NRG3: variants seen among roughly 807,000 people sequenced by gnomAD.
NRG3 encodes pro-neuregulin-3, membrane-bound isoform.
Under a neutral mutation model 66.9 loss-of-function variants are expected in NRG3, and 31 were observed. The observed-to-expected ratio is 0.46, with a 90% confidence interval of 0.35 to 0.63. NRG3 has a LOEUF of 0.63. Among genes scored for constraint, NRG3 ranks in the 20% least tolerant of loss-of-function variants. The pLI is 0.00. For missense variants in NRG3, 910 were observed against 878.9 expected, an observed-to-expected ratio of 1.04 and a Z score of -0.45; for synonymous variants, 393 against 359.4, an observed-to-expected ratio of 1.09 and a Z score of -1.06.
chr10:82,480,038 A>G (rs1842130801), intron 2 of NRG3, among the ~76,000 whole-genome samples: 1 of 152,220 alleles, frequency 6.6e-6, no homozygotes, highest in South Asian at 2.1e-4. Context: ...GTCCTGCCCT[A>G]AGAAAGAATG....
chr10:82,065,452 T>C (rs984608067), intron 1 of NRG3, among the ~76,000 whole-genome samples: 3 of 152,136 alleles, frequency 2.0e-5, no homozygotes, highest in African/African-American at 7.2e-5. Flanking sequence ...GTGAAAGATA[T>C]ATACATTGTG....
At chr10:82,957,167 T>A (rs1850128075) in intron 5 of NRG3, among the ~76,000 whole-genome samples, 1 of 151,932 alleles carries the variant, frequency 6.6e-6, no homozygotes, top group Non-Finnish European at 1.5e-5. Context: ...ATATGAACAT[T>A]TTGCGTGTGC....
At chr10:82,264,252 G>A (rs1564726870) in intron 1 of NRG3, among the ~76,000 whole-genome samples, 1 of 152,292 alleles carries the variant, frequency 6.6e-6, no homozygotes, top group Non-Finnish European at 1.5e-5. Context: ...ACATTGCTGG[G>A]GGGCCTCAGG....
At chr10:82,357,476 T>C (rs1286956988) in intron 1 of NRG3, among the ~76,000 whole-genome samples, 3 of 152,170 alleles carry the variant, frequency 2.0e-5, no homozygotes, top group African/African-American at 4.8e-5. Context: ...ATAAAGAAAA[T>C]ACATTTATTT....
Position 82,243,284 on chromosome 10 carries a change from G to C in NRG3, c.824-115455G>C, listed in dbSNP as rs564875236. 2.0e-5 allele frequency among the ~76,000 whole-genome samples: 3 copies of C among 152,264 alleles called. No homozygotes were observed. In the East Asian group the frequency reaches 5.8e-4, roughly 29 times the overall value. ...AAATATGCAAAAAATCAGTCTTCTA[G>C]TAAATGCAAACATATTGGAAACATG... On this transcript the variant is annotated intron_variant, in intron 1 of 8. Transcript: ENST00000372141.
intron 2 of NRG3, among the ~76,000 whole-genome samples, chr10:82,645,443 T>C (rs1043053826): frequency 3.3e-5 from 5 of 152,216 alleles, no homozygotes; most frequent in African/African-American, 1.2e-4. Flanking sequence ...CATATGGTCC[T>C]CTCAACAGTT....
chr10:82,954,054 G>A (rs1272970294), intron 5 of NRG3, among the ~76,000 whole-genome samples: 2 of 151,876 alleles, frequency 1.3e-5, no homozygotes, highest in East Asian at 3.9e-4. Flanking sequence ...TAACACCCAT[G>A]GTTTTCCACA....
At chr10:82,913,858 G>GTT (rs144255070) in intron 4 of NRG3, among the ~76,000 whole-genome samples, 59 of 152,176 alleles carry the variant, frequency 3.9e-4, no homozygotes, top group African/African-American at 1.3e-3. Context: ...TTGGAAGGTT[G>GTT]TCAGCTATTA....
intron 4 of NRG3, among the ~76,000 whole-genome samples, chr10:82,917,087 G>A (rs1247866846): frequency 6.6e-6 from 1 of 152,204 alleles, no homozygotes; most frequent in East Asian, 1.9e-4. Flanking sequence ...CTCAGGGAAT[G>A]TAATCATACT....
chr10:81,957,783 C>T (rs867831113), intron 1 of NRG3, among the ~76,000 whole-genome samples: 7 of 152,170 alleles, frequency 4.6e-5, no homozygotes, highest in Non-Finnish European at 8.8e-5. Context: ...TGCCTTCTCA[C>T]AATTGTCAAA....
At chr10:82,949,027 T>A (rs945324251) in intron 4 of NRG3, among the ~76,000 whole-genome samples, 3 of 152,154 alleles carry the variant, frequency 2.0e-5, no homozygotes, top group African/African-American at 4.8e-5. Flanking sequence ...TAGATATAGA[T>A]TTTTTATAGC....
chr10:82,629,500 A>G (rs535008040), intron 2 of NRG3, among the ~76,000 whole-genome samples: 1 of 152,334 alleles, frequency 6.6e-6, no homozygotes, highest in South Asian at 2.1e-4. Context: ...GTACATTCTT[A>G]AATGAAACAT....
At chr10:82,259,519 T>C (rs772023809) in intron 1 of NRG3, among the ~76,000 whole-genome samples, 9 of 152,174 alleles carry the variant, frequency 5.9e-5, no homozygotes, top group Non-Finnish European at 8.8e-5. Context: ...GTAGTAATCA[T>C]CTTGTTAAAC....
intron 1 of NRG3, among the ~76,000 whole-genome samples, chr10:82,339,642 A>G (rs1425037202): frequency 1.3e-5 from 2 of 152,288 alleles, no homozygotes; most frequent in Admixed American, 1.3e-4. Flanking sequence ...CTGTTTAAAA[A>G]TTTTTAAATT....
At chr10:82,373,373 A>G (rs977560966) in intron 2 of NRG3, among the ~76,000 whole-genome samples, 3 of 152,240 alleles carry the variant, frequency 2.0e-5, no homozygotes, top group African/African-American at 4.8e-5. Context: ...TTAGGGGCAG[A>G]TGGGATGCTT....
chr10:82,971,640 T>C (rs894608865), intron 6 of NRG3, among the ~76,000 whole-genome samples: 1 of 152,060 alleles, frequency 6.6e-6, no homozygotes, highest in Admixed American at 6.6e-5. Context: ...TTTCACCATG[T>C]TTGCCAGGCT....
Position 82,818,223 on chromosome 10 carries a change from G to A in NRG3, c.1028-47188G>A, listed in dbSNP as rs960962477. Among the ~76,000 whole-genome samples the A allele has an allele frequency of 2.5e-4, 38 of 152,178 alleles. 1 individual carries two copies. Among genetic ancestry groups the A allele is most frequent in the Non-Finnish European group, 1.0e-4 (7 of 68,040 alleles). On this transcript the variant is annotated intron_variant, in intron 3 of 8. Transcript: ENST00000372141. ...CAGCGTTGCCATGGCATTTGTAACC[G>A]TCATGGCACTGGTGGGAGTGTCTTA...
At chr10:82,435,668 A>G (rs369522842) in intron 2 of NRG3, among the ~76,000 whole-genome samples, 2 of 152,006 alleles carry the variant, frequency 1.3e-5, no homozygotes, top group East Asian at 3.9e-4. Context: ...ATTGGTTTCA[A>G]AGAACTTCTT....
At chr10:81,991,009 G>T (rs2060718481) in intron 1 of NRG3, among the ~76,000 whole-genome samples, 1 of 152,130 alleles carries the variant, frequency 6.6e-6, no homozygotes, top group African/African-American at 2.4e-5. Context: ...TCAAAAATTT[G>T]AGAAGCCTCC....
Sources: gnomAD v4.1 joint callset for allele counts (sites outside exome capture counted in the v4.1 genomes callset) on GRCh38, gnomAD v4.1.1 for gene constraint, MANE v1.5 for transcripts, NCBI Gene and HGNC (gene_info 2026-07-23, HGNC 2026-07-21) for gene names.